CSMD3: variants seen among roughly 807,000 people sequenced by gnomAD.
The protein encoded by CSMD3 is CUB and sushi domain-containing protein 3.
CSMD3 carries 177 observed loss-of-function variants against 435.2 expected under a neutral mutation model. That is an observed-to-expected ratio of 0.41 (90% CI 0.36 to 0.46). The LOEUF (loss-of-function observed/expected upper bound fraction) is 0.46. Among genes scored for constraint, CSMD3 ranks in the 20% least tolerant of loss-of-function variants. The pLI, the probability that CSMD3 is intolerant of heterozygous loss-of-function variation, is 0.34. For missense variants in CSMD3, 4,265 were observed against 4,504.6 expected, an observed-to-expected ratio of 0.95 and a Z score of 1.52; for synonymous variants, 1,656 against 1,520.5, an observed-to-expected ratio of 1.09 and a Z score of -2.07.
In CSMD3 at chr8:112,492,480, G is replaced by C. The variant is rs766772373; in HGVS notation, c.5278+9C>G. The stretch of plus-strand genomic sequence containing the variant: ...TCATGAAAATTCAGCCAAAAAATAT[G>C]TTCCTTACCATGACAACTTGGCAAG... On this transcript the variant is annotated intron_variant, in intron 31 of 70. Coordinates refer to ENST00000297405, the MANE Select transcript of CSMD3 (RefSeq NM_198123.2). 5 of 1,610,986 alleles carry C rather than the reference G, an allele frequency of 3.1e-6. No homozygotes were observed. Among genetic ancestry groups the C allele is most frequent in the Non-Finnish European group, 3.4e-6 (4 of 1,177,250 alleles).
intron 22 of CSMD3, among the ~76,000 whole-genome samples, chr8:112,621,380 T>TA (rs902193362): frequency 1.3e-5 from 2 of 152,078 alleles, no homozygotes; most frequent in Non-Finnish European, 2.9e-5. Context: ...AAGTTAAAGG[T>TA]AAAATCTCTA....
intron 33 of CSMD3, among the ~76,000 whole-genome samples, chr8:112,408,614 C>T (rs1299762232): frequency 2.6e-5 from 4 of 151,926 alleles, no homozygotes; most frequent in African/African-American, 9.7e-5. Context: ...GCTTTAATTA[C>T]ATTTTTATAC....
rs186322138 is a variant in CSMD3, at chr8:112,989,363, C to T, written c.1031-13215G>A. Reference sequence around the variant, plus strand: ...CACTTTATTTCTCTATACTATGTTCCACAGTCTCTTGTGTCCTATGTTTCT... The same window carrying T: ...CACTTTATTTCTCTATACTATGTTCTACAGTCTCTTGTGTCCTATGTTTCT... On this transcript the variant is annotated intron_variant, in intron 6 of 70. Transcript: ENST00000297405. Among the ~76,000 whole-genome samples, 5 of 151,968 alleles carry T rather than the reference C, an allele frequency of 3.3e-5. No homozygotes were observed. In the East Asian group the frequency reaches 9.7e-4, roughly 29 times the overall value.
rs565494272 is a variant in CSMD3 at position 112,542,318 on chromosome 8, G to C, written c.4564+8353C>G. On this transcript the variant is annotated intron_variant, in intron 27 of 70. Coordinates refer to ENST00000297405, the MANE Select transcript of CSMD3 (RefSeq NM_198123.2). ...GCTAGTCCTGGCCAGAGCAGTTTAG[G>C]AAAGAAAAACAAAAGGCCTCCAAAA... Among the ~76,000 whole-genome samples the C allele has an allele frequency of 3.1e-5, 4 of 128,502 alleles. No homozygotes were observed. The South Asian group carries it at 1.0e-3, about 32-fold the overall frequency. The allele number at this position is 128,502 out of a possible 152,430, so 84.3% of individuals were successfully genotyped here.
chr8:112,783,185 TG>T (rs756709462), intron 13 of CSMD3, among the ~76,000 whole-genome samples: 4 of 151,794 alleles, frequency 2.6e-5, no homozygotes, highest in Non-Finnish European at 4.4e-5. Flanking sequence ...ATTTTTAAAA[TG>T]TGGGGGATAA....
At chr8:112,710,510 G>T (rs193103006) in intron 13 of CSMD3, among the ~76,000 whole-genome samples, 1 of 151,918 alleles carries the variant, frequency 6.6e-6, no homozygotes, top group East Asian at 1.9e-4. Flanking sequence ...TTAACCCAAC[G>T]CCAGTCACAT....
At chr8:112,930,624 A>G (rs953315981) in intron 9 of CSMD3, among the ~76,000 whole-genome samples, 2 of 152,124 alleles carry the variant, frequency 1.3e-5, no homozygotes, top group African/African-American at 2.4e-5. Flanking sequence ...AAAAATTTAT[A>G]TTTGAATAGA....
At chr8:112,400,114 A>G (rs1454859841) in intron 35 of CSMD3, among the ~76,000 whole-genome samples, 1 of 152,174 alleles carries the variant, frequency 6.6e-6, no homozygotes, top group Non-Finnish European at 1.5e-5. Flanking sequence ...TGTTCAGGCT[A>G]CTATAACAAA....
chr8:113,302,721 T>TAAA (rs1178421870), intron 2 of CSMD3, among the ~76,000 whole-genome samples: 1 of 150,394 alleles, frequency 6.6e-6, no homozygotes, highest in Non-Finnish European at 1.5e-5. Flanking sequence ...CCCTTCATGC[T>TAAA]AAAAACTCTC....
intron 40 of CSMD3, among the ~76,000 whole-genome samples, chr8:112,350,104 T>C (rs1001288024): frequency 2.0e-5 from 3 of 152,024 alleles, no homozygotes; most frequent in South Asian, 4.1e-4. Context: ...CCTTAGAAGA[T>C]ACCAATCTGC....
chr8:112,235,182 C>T (rs1351317792), intron 67 of CSMD3, among the ~76,000 whole-genome samples: 1 of 152,052 alleles, frequency 6.6e-6, no homozygotes, highest in Non-Finnish European at 1.5e-5. Context: ...GAGTTCCAGA[C>T]CAGCCTAAGC....
chr8:112,706,034 G>A (rs1239578292), intron 13 of CSMD3, among the ~76,000 whole-genome samples: 1 of 152,042 alleles, frequency 6.6e-6, no homozygotes, highest in Non-Finnish European at 1.5e-5. Context: ...TACTGTGTCT[G>A]TGACAAATGC....
intron 3 of CSMD3, among the ~76,000 whole-genome samples, chr8:113,205,000 T>C (rs995189144): frequency 2.0e-5 from 3 of 150,690 alleles, no homozygotes; most frequent in African/African-American, 7.3e-5. Context: ...TTTTTTTTTT[T>C]GGAGACAAAG....
intron 32 of CSMD3, among the ~76,000 whole-genome samples, chr8:112,436,332 A>C (rs2130453045): frequency 6.6e-6 from 1 of 152,046 alleles, no homozygotes; most frequent in South Asian, 2.1e-4. Flanking sequence ...TCTGATTAAA[A>C]ATAATCAGCA....
chr8:113,029,709 C>T (rs916908305), intron 5 of CSMD3, among the ~76,000 whole-genome samples: 12 of 151,548 alleles, frequency 7.9e-5, no homozygotes, highest in African/African-American at 1.7e-4. Flanking sequence ...CCTCTGAGAA[C>T]TGGAACAAGA....
At chr8:112,940,698 A>G in intron 9 of CSMD3, among the ~76,000 whole-genome samples, 1 of 151,824 alleles carries the variant, frequency 6.6e-6, no homozygotes. Flanking sequence ...CACAAATGGT[A>G]ACCAAAATAT....
At chr8:113,185,237 A>C (rs755505857) in intron 3 of CSMD3, among the ~76,000 whole-genome samples, 71 of 152,168 alleles carry the variant, frequency 4.7e-4, no homozygotes, top group Admixed American at 7.9e-4. Context: ...TTTCTTTTAG[A>C]AATCATTCTT....
At chr8:112,307,456 AT>A (rs1239794816) in intron 50 of CSMD3, among the ~76,000 whole-genome samples, 2 of 151,690 alleles carry the variant, frequency 1.3e-5, no homozygotes, top group African/African-American at 2.4e-5. Context: ...TAATATTTGT[AT>A]TTTTTTGTAG....
intron 2 of CSMD3, among the ~76,000 whole-genome samples, chr8:113,279,367 C>T (rs1013306358): frequency 2.0e-5 from 3 of 150,898 alleles, no homozygotes; most frequent in Admixed American, 6.7e-5. Flanking sequence ...GTCTTTGAGA[C>T]ATTAATAAAA....
Sources: gnomAD v4.1 joint callset for allele counts (sites outside exome capture counted in the v4.1 genomes callset) on GRCh38, gnomAD v4.1.1 for gene constraint, MANE v1.5 for transcripts, NCBI Gene and HGNC (gene_info 2026-07-23, HGNC 2026-07-21) for gene names.